SHISA9: variants seen among roughly 807,000 people sequenced by gnomAD.
SHISA9 encodes protein shisa-9.
SHISA9 carries 13 observed loss-of-function variants against 38.0 expected under a neutral mutation model. That is an observed-to-expected ratio of 0.34 (90% CI 0.22 to 0.54). The LOEUF (loss-of-function observed/expected upper bound fraction) is 0.54, where lower values mean the gene tolerates loss of function less well. SHISA9 is among the 20% of genes least tolerant of loss of function. The pLI is 0.91. For missense variants in SHISA9, 538 were observed against 575.8 expected, an observed-to-expected ratio of 0.93 and a Z score of 0.67; for synonymous variants, 275 against 242.0, an observed-to-expected ratio of 1.14 and a Z score of -1.27.
rs144522673 is a variant in SHISA9 at position 12,968,684 on chromosome 16, T to C, written c.691+51869T>C. Among the ~76,000 whole-genome samples the C allele has an allele frequency of 2.2e-3, 331 of 152,312 alleles. 1 individual carries two copies. Among genetic ancestry groups the C allele is most frequent in the African/African-American group, 7.7e-3 (319 of 41,578 alleles). On this transcript the variant is annotated intron_variant, in intron 2 of 4. Coordinates refer to ENST00000558583, the MANE Select transcript of SHISA9 (RefSeq NM_001145204.3). ...TACAGACTGTGTGTGGTTCTGTTTA[T>C]GGAAAGTTCTGGAAAAGGTCATCTG... is the stretch of plus-strand genomic sequence containing the variant.
the SHISA9 span, among the ~76,000 whole-genome samples, chr16:13,387,488 A>G: frequency 2.8e-5 from 4 of 143,430 alleles, no homozygotes; most frequent in African/African-American, 1.0e-4. Context: ...CCCCTAGAGG[A>G]TTTTTTTTTT....
chr16:13,124,176 C>G (rs2050237267), intron 2 of SHISA9, among the ~76,000 whole-genome samples: 2 of 152,150 alleles, frequency 1.3e-5, no homozygotes, highest in Admixed American at 1.3e-4. Flanking sequence ...ACTGTGCAGT[C>G]AATTTACCTC....
chr16:13,499,938 C>T, the SHISA9 span, among the ~76,000 whole-genome samples: 2 of 152,142 alleles, frequency 1.3e-5, no homozygotes, highest in African/African-American at 2.4e-5. Context: ...CACATGCAGC[C>T]CTCAGAGGCT....
At chr16:13,320,201 G>C in the SHISA9 span, among the ~76,000 whole-genome samples, 1 of 141,072 alleles carries the variant, frequency 7.1e-6, no homozygotes, top group South Asian at 2.3e-4. Context: ...TGAGGCAGGA[G>C]AATCGCTTGA....
chr16:12,937,227 TA>T (rs2071546174), intron 2 of SHISA9, among the ~76,000 whole-genome samples: 1 of 152,190 alleles, frequency 6.6e-6, no homozygotes, highest in Admixed American at 6.6e-5. Context: ...ATAGTACATT[TA>T]AAAAAATTAA....
the SHISA9 span, among the ~76,000 whole-genome samples, chr16:13,403,815 T>C: frequency 2.6e-5 from 4 of 152,154 alleles, no homozygotes; most frequent in African/African-American, 9.7e-5. Context: ...GATGAGCGTT[T>C]TGGTACCAGC....
At chr16:13,490,791 T>C in the SHISA9 span, among the ~76,000 whole-genome samples, 1 of 152,238 alleles carries the variant, frequency 6.6e-6, no homozygotes, top group Non-Finnish European at 1.5e-5. Context: ...ATCGGCCAAC[T>C]GACTGCTGAT....
At chr16:13,274,637 C>A in the SHISA9 span, among the ~76,000 whole-genome samples, 3 of 152,070 alleles carry the variant, frequency 2.0e-5, no homozygotes, top group African/African-American at 7.2e-5. Context: ...CTGGCTGACC[C>A]TGAAAGAAGG....
chr16:13,137,323 G>A (rs913650315), intron 2 of SHISA9, among the ~76,000 whole-genome samples: 3 of 152,140 alleles, frequency 2.0e-5, no homozygotes, highest in African/African-American at 7.2e-5. Context: ...AAGAAACCTG[G>A]AAAATGAATG....
the SHISA9 span, among the ~76,000 whole-genome samples, chr16:13,386,868 C>T: frequency 1.3e-5 from 2 of 152,244 alleles, no homozygotes; most frequent in Non-Finnish European, 2.9e-5. Flanking sequence ...TTTACCATTT[C>T]CCTACTGATG....
At chr16:13,494,648 A>T in the SHISA9 span, among the ~76,000 whole-genome samples, 2 of 152,244 alleles carry the variant, frequency 1.3e-5, no homozygotes, top group African/African-American at 2.4e-5. Flanking sequence ...GGGAATGGTT[A>T]AATGAATTGA....
chr16:13,162,244 A>T (rs1439411838), intron 2 of SHISA9, among the ~76,000 whole-genome samples: 1 of 152,152 alleles, frequency 6.6e-6, no homozygotes, highest in African/African-American at 2.4e-5. Context: ...TCTTTGGAGA[A>T]CTAGTTGGTG....
the SHISA9 span, among the ~76,000 whole-genome samples, chr16:13,450,788 T>A: frequency 6.6e-6 from 1 of 152,214 alleles, no homozygotes; most frequent in Non-Finnish European, 1.5e-5. Flanking sequence ...GTTGTTGTTG[T>A]TGTTGTTGTT....
At chr16:13,147,559 C>T (rs1047367684) in intron 2 of SHISA9, among the ~76,000 whole-genome samples, 1 of 148,672 alleles carries the variant, frequency 6.7e-6, no homozygotes, top group Non-Finnish European at 1.5e-5. Context: ...CGCCTGCAGG[C>T]TCAAACAATT....
At chr16:13,536,623 AAG>A in the SHISA9 span, among the ~76,000 whole-genome samples, 1 of 152,212 alleles carries the variant, frequency 6.6e-6, no homozygotes, top group Non-Finnish European at 1.5e-5. Flanking sequence ...AGCAAAGAAG[AAG>A]ACGCTGGAAG....
chr16:13,389,896 G>GGGT, the SHISA9 span, among the ~76,000 whole-genome samples: 3 of 152,188 alleles, frequency 2.0e-5, no homozygotes, highest in Admixed American at 6.5e-5. Flanking sequence ...TGCGTAGGAT[G>GGGT]GGTGCTCTTG....
chr16:13,376,678 T>G, the SHISA9 span, among the ~76,000 whole-genome samples: 1 of 152,092 alleles, frequency 6.6e-6, no homozygotes. Flanking sequence ...ATTCTGTAAA[T>G]TATAGGGTGT....
chr16:13,383,621 C>G, the SHISA9 span, among the ~76,000 whole-genome samples: 1 of 152,078 alleles, frequency 6.6e-6, no homozygotes, highest in African/African-American at 2.4e-5. Context: ...ATTGCACCAG[C>G]CACAATTATG....
the SHISA9 span, among the ~76,000 whole-genome samples, chr16:13,525,755 A>T: frequency 6.6e-6 from 1 of 152,222 alleles, no homozygotes; most frequent in Admixed American, 6.5e-5. Context: ...ACTATTAAAA[A>T]TTTCCATGTA....
Sources: gnomAD v4.1 joint callset for allele counts (sites outside exome capture counted in the v4.1 genomes callset) on GRCh38, gnomAD v4.1.1 for gene constraint, MANE v1.5 for transcripts, NCBI Gene and HGNC (gene_info 2026-07-23, HGNC 2026-07-21) for gene names.